ATG2A: variants seen among roughly 807,000 people sequenced by gnomAD.
ATG2A encodes autophagy-related protein 2 homolog A.
A neutral mutation model predicts 214.2 loss-of-function variants in ATG2A; 103 were observed. The observed-to-expected ratio is 0.48, with a 90% CI of 0.41 to 0.57. ATG2A has a LOEUF of 0.57. ATG2A is among the 20% of genes least tolerant of loss of function. ATG2A has a pLI of 0.00. For synonymous variants in ATG2A, 1,160 were observed against 1,142.1 expected (o/e 1.02, Z -0.32); for missense variants, 2,312 against 2,613.2 (o/e 0.88, Z 2.51).
At position 64,897,400 on chromosome 11, in the gene ATG2A, C is replaced by T; in HGVS notation, c.5150+12G>A. ...GGGACCCTGGAGAGAGGCTGGGGTG[C>T]TGGGGACTCACCCGTGCCTGCAACA... On this transcript the variant is annotated intron_variant, in intron 37 of 40. Coordinates refer to ENST00000377264, the MANE Select transcript of ATG2A (RefSeq NM_015104.3). The T allele has an allele frequency of 6.4e-7, 1 of 1,557,066 alleles. No homozygotes were observed. The highest frequency in any genetic ancestry group is 8.7e-7 in the Non-Finnish European group (1 of 1,150,092).
At chr11:64,915,692 C>A (rs896338352) in intron 1 of ATG2A, among the ~76,000 whole-genome samples, 22 of 152,058 alleles carry the variant, frequency 1.4e-4, no homozygotes, top group Non-Finnish European at 2.9e-5. Context: ...AAAGGGGAAG[C>A]CTAGGGCTGG....
intron 1 of ATG2A, among the ~76,000 whole-genome samples, chr11:64,916,711 A>G (rs1232690563): frequency 6.6e-6 from 1 of 152,024 alleles, no homozygotes; most frequent in Non-Finnish European, 1.5e-5. Context: ...TGCATTCTCC[A>G]GACAGGTGAT....
rs1292280141 is a variant in ATG2A, at chr11:64,913,967, G to A, written c.488-44C>T. 2 of 1,601,884 alleles carry A rather than the reference G, an allele frequency of 1.2e-6. No homozygotes were observed. The highest frequency in any genetic ancestry group is 8.5e-7 in the Non-Finnish European group (1 of 1,173,588). On this transcript the variant is annotated intron_variant, in intron 3 of 40. Transcript: ENST00000377264. This position sits in a 1 kb window ranked among gnomAD's most constrained non-coding sequence, Gnocchi z 4.3. ...GTCTCAGGTCAGGTAGAGCAGCAAAGGGGAGGCAGAATTTCCCATCTGGGC... is the reference window on the plus strand; with the variant it reads ...GTCTCAGGTCAGGTAGAGCAGCAAAAGGGAGGCAGAATTTCCCATCTGGGC...
In ATG2A at chr11:64,917,150, G is replaced by T. The variant is rs770385750; in HGVS notation, c.-15C>A. The T allele has an allele frequency of 4.4e-6, 7 of 1,583,836 alleles. No homozygotes were observed. Among genetic ancestry groups the T allele is most frequent in the African/African-American group, 1.4e-5 (1 of 73,578 alleles). On this transcript the variant is annotated 5_prime_UTR_variant, in exon 1 of 41. Coordinates refer to ENST00000377264, the MANE Select transcript of ATG2A (RefSeq NM_015104.3). The stretch of plus-strand genomic sequence containing the variant: ...CATCGTGACATCTCGGAGACCGCCG[G>T]GCCTGGGCCGCCTCCGCTTGCCGCC...
intron 1 of ATG2A, among the ~76,000 whole-genome samples, chr11:64,915,688 G>A (rs1944953313): frequency 6.6e-6 from 1 of 152,142 alleles, no homozygotes; most frequent in Non-Finnish European, 1.5e-5. Flanking sequence ...GTAAAAAGGG[G>A]AAGCCTAGGG....
chr11:64,897,004 A>T, intron 37 of ATG2A, 135 bp from the exon 38 acceptor site: 1 of 1,216,888 alleles, frequency 8.2e-7, no homozygotes, highest in Non-Finnish European at 1.1e-6. Flanking sequence ...CCACCCAGTC[A>T]TGTGCAGAGG....
chr11:64,916,287 GACACTGAGC>G (rs2136657506), intron 1 of ATG2A, among the ~76,000 whole-genome samples: 1 of 152,234 alleles, frequency 6.6e-6, no homozygotes, highest in Admixed American at 6.5e-5. Flanking sequence ...TCCAGGCAGG[GACACTGAGC>G]CGGGGGGGTC....
intron 1 of ATG2A, 149 bp downstream of exon 1, chr11:64,916,816 G>A (rs2285346): frequency 0.23 from 232,300 of 1,024,202 alleles, 28,896 homozygotes; most frequent in East Asian, 0.51. Flanking sequence ...GAGGCCAGCC[G>A]GGGTGCCTCT....
Position 64,909,957 on chromosome 11 carries a change from G to A in ATG2A, c.1864-33C>T, listed in dbSNP as rs377108059. 1,160 of 1,581,970 alleles carry A rather than the reference G, an allele frequency of 7.3e-4. 1 individual carries two copies. Among genetic ancestry groups the A allele is most frequent in the Admixed American group, 1.8e-3 (105 of 59,272 alleles). Reference sequence around the variant, plus strand: ...AGGATTGGGGGTCAGAGCAGCCGTCGGAGCCCCTCCCACTGTGACCAAGAG... The same window carrying A: ...AGGATTGGGGGTCAGAGCAGCCGTCAGAGCCCCTCCCACTGTGACCAAGAG... On this transcript the variant is annotated intron_variant, in intron 13 of 40. Coordinates refer to ENST00000377264, the MANE Select transcript of ATG2A (RefSeq NM_015104.3).
chr11:64,912,280 G>T (rs1363721228), intron 7 of ATG2A, 31 bp from the exon 8 acceptor site: 8 of 1,608,576 alleles, frequency 5.0e-6, no homozygotes, highest in Admixed American at 1.7e-5. Flanking sequence ...GTCTGGGCTG[G>T]CTGGCCCTCC....
Position 64,910,138 on chromosome 11 carries a change from C to A in ATG2A, c.1765G>T (p.Ala589Ser). 3.1e-6 allele frequency: 5 copies of A among 1,611,792 alleles called. No individual in the cohort carries two copies. Among genetic ancestry groups the A allele is most frequent in the Non-Finnish European group, 4.2e-6 (5 of 1,179,564 alleles). The change falls in exon 13 of 41, where the codon GCC becomes TCC. Residue 589 changes from alanine to serine, a missense_variant. Physicochemically the swap from Ala to Ser is moderately conservative, Grantham distance 99. Transcript: ENST00000377264. ...AGCTCCACGTCCGCCTGGAAGTTGG[C>A]CAGGTCCAGGGCCAGTTCTGAGTGG... ...HCHSELALDL[A>S]NFQADVELGA... is the part of the protein sequence containing the mutation.
At chr11:64,904,746 T>C (rs540387119) in intron 24 of ATG2A, among the ~76,000 whole-genome samples, 1 of 152,318 alleles carries the variant, frequency 6.6e-6, no homozygotes, top group South Asian at 2.1e-4. Flanking sequence ...AAACTGATTT[T>C]AAAACGTACG....
intron 29 of ATG2A, 71 bp from the exon 30 acceptor site, chr11:64,901,163 C>T: frequency 4.1e-6 from 6 of 1,447,080 alleles, no homozygotes; most frequent in Non-Finnish European, 5.6e-6. Flanking sequence ...CCCCAGCAAC[C>T]TGGCCTCACT....
chr11:64,908,113 G>C (rs1944625549), intron 16 of ATG2A, among the ~76,000 whole-genome samples: 1 of 152,222 alleles, frequency 6.6e-6, no homozygotes, highest in South Asian at 2.1e-4. Flanking sequence ...CTCACAACAG[G>C]CCTGTGACAC....
rs1944838990 is a variant in ATG2A, at chr11:64,913,112, G to C, written c.751C>G (p.Gln251Glu). 6.3e-7 allele frequency: 1 copy of C among 1,578,224 alleles called. No individual in the cohort carries two copies. Among genetic ancestry groups the C allele is most frequent in the Admixed American group, 1.8e-5 (1 of 55,718 alleles). ...AQEEPPEPPL[Q>E]IGSCSGYMEL... ...ATGTACCCTGAGCAGCTGCCGATCT[G>C]CAAGGGGGGCTCTGGAGGCTCTTCC... The change falls in exon 6 of 41, where the codon CAG becomes GAG. Residue 251 changes from glutamine to glutamate, a missense_variant. Coordinates refer to ENST00000377264, the MANE Select transcript of ATG2A (RefSeq NM_015104.3). The surrounding 1 kb of genome is among the most constrained non-coding windows in gnomAD (Gnocchi z 4.3).
chr11:64,894,637 C>T lies in ATG2A; in HGVS notation c.*336G>A, dbSNP rs1051657342. ...ATACATCGAACCACACGGATATCAT[C>T]CCCTCCTCCCCCCAGACACAGAAAG... is the stretch of plus-strand genomic sequence containing the variant. On this transcript the variant is annotated 3_prime_UTR_variant, in exon 41 of 41. Coordinates refer to ENST00000377264, the MANE Select transcript of ATG2A (RefSeq NM_015104.3). 7.3e-5 allele frequency: 45 copies of T among 613,462 alleles called. No individual in the cohort carries two copies. Among genetic ancestry groups the T allele is most frequent in the South Asian group, 1.4e-4 (9 of 65,986 alleles). 38.0% of individuals were successfully genotyped at this position (613,462 alleles called of 1,614,324 possible). A position where few individuals can be genotyped will look rare whatever the true frequency, so the allele number is the denominator to read the frequency against.
chr11:64,903,636 C>G lies in ATG2A; in HGVS notation c.3489G>C (p.Leu1163Phe). The stretch of plus-strand genomic sequence containing the variant: ...CCACCTCACACTTGTCGGACAGGTA[C>G]AAGGCGGAGTCATCGAGGATGAACC... ...LLRFILDDSA[L>F]YLSDKCEVET... The change falls in exon 25 of 41, where the codon TTG becomes TTC. Residue 1163 changes from leucine to phenylalanine, a missense_variant. By Grantham distance (22) the Leu-to-Phe change is conservative. Coordinates refer to ENST00000377264, the MANE Select transcript of ATG2A (RefSeq NM_015104.3). The surrounding 1 kb of genome is among the most constrained non-coding windows in gnomAD (Gnocchi z 4.2). 2 of 1,550,072 alleles carry G rather than the reference C, an allele frequency of 1.3e-6. No individual in the cohort carries two copies. Among genetic ancestry groups the G allele is most frequent in the African/African-American group, 1.4e-5 (1 of 73,150 alleles).
intron 16 of ATG2A, among the ~76,000 whole-genome samples, chr11:64,908,437 G>A (rs1036037071): frequency 1.3e-5 from 2 of 152,080 alleles, no homozygotes; most frequent in South Asian, 2.1e-4. Context: ...CTGTAATCCC[G>A]GCTACTCAGG....
chr11:64,907,562 G>C lies in ATG2A; in HGVS notation c.2610C>G (p.His870Gln). The C allele has an allele frequency of 6.2e-7, 1 of 1,611,724 alleles. No homozygotes were observed. The highest frequency in any genetic ancestry group is 8.5e-7 in the Non-Finnish European group (1 of 1,179,394). ...CTGACTTGCACATCTTAAAGCTGTCGTGCCAGAAGCCTGAGGGGCCGGGGA... is the reference window on the plus strand; with the variant it reads ...CTGACTTGCACATCTTAAAGCTGTCCTGCCAGAAGCCTGAGGGGCCGGGGA... Reference protein sequence around the residue: ...SGFPGPSGFWHDSFKMCKSAF... With the variant: ...SGFPGPSGFWQDSFKMCKSAF... The change falls in exon 18 of 41, where the codon CAC becomes CAG. Residue 870 changes from histidine to glutamine, a missense_variant. Transcript: ENST00000377264.
Sources: gnomAD v4.1 joint callset for allele counts (sites outside exome capture counted in the v4.1 genomes callset) on GRCh38, gnomAD v4.1.1 for gene constraint, Gnocchi (gnomAD v3.1) non-coding constraint, MANE v1.5 for transcripts, NCBI Gene and HGNC (gene_info 2026-07-23, HGNC 2026-07-21) for gene names.